EIF4G3: variants seen among roughly 807,000 people sequenced by gnomAD.
EIF4G3 encodes eIF-4-gamma 3.
EIF4G3 carries 34 observed loss-of-function variants against 186.4 expected under a neutral mutation model. That is an observed-to-expected ratio of 0.18 (90% CI 0.14 to 0.24). The LOEUF (loss-of-function observed/expected upper bound fraction) is 0.24, where lower values mean the gene tolerates loss of function less well. EIF4G3 is among the 10% of genes least tolerant of loss of function. The probability of loss-of-function intolerance (pLI) is 1.00; values close to 1 mark genes in which losing one functional copy is unlikely to be tolerated. For synonymous variants in EIF4G3, 673 were observed against 679.5 expected, an observed-to-expected ratio of 0.99 and a Z score of 0.15; for missense variants, 1,536 against 1,948.5, an observed-to-expected ratio of 0.79 and a Z score of 3.99.
intron 13 of EIF4G3, 47 bp downstream of exon 13, chr1:20,949,956 A>C: frequency 6.7e-7 from 1 of 1,493,638 alleles, no homozygotes; most frequent in Non-Finnish European, 9.3e-7. Context: ...TGTAATTAAT[A>C]AAAAAGAGAC....
rs1357798656 is a variant in EIF4G3 at position 20,969,995 on chromosome 1, G to A, written c.592-399C>T. 2.0e-5 allele frequency among the ~76,000 whole-genome samples: 3 copies of A among 151,162 alleles called. No homozygotes were observed. In the East Asian group the frequency reaches 5.8e-4, roughly 29 times the overall value. ...TTTTTTCTTTTTTGGAGACAGTCTCGCTCTATCACCCAGGCTGGAGTGCAG... is the reference window on the plus strand; with the variant it reads ...TTTTTTCTTTTTTGGAGACAGTCTCACTCTATCACCCAGGCTGGAGTGCAG... On this transcript the variant is annotated intron_variant, in intron 11 of 36. Transcript: ENST00000602326.
intron 4 of EIF4G3, among the ~76,000 whole-genome samples, chr1:21,045,770 A>C (rs556523758): frequency 5.3e-5 from 8 of 152,112 alleles, no homozygotes; most frequent in Non-Finnish European, 1.2e-4. Context: ...CTTGAGAAGT[A>C]ATTTTAAATA....
chr1:21,050,841 T>C (rs2094169111), intron 4 of EIF4G3, 25 bp downstream of exon 4: 1 of 689,724 alleles, frequency 1.4e-6, no homozygotes, highest in African/African-American at 1.8e-5. Flanking sequence ...ACATTTCTTA[T>C]TTTTTTAAAA....
At chr1:20,871,316 G>T (rs1023660892) in intron 20 of EIF4G3, among the ~76,000 whole-genome samples, 2 of 152,074 alleles carry the variant, frequency 1.3e-5, no homozygotes, top group Admixed American at 6.5e-5. Flanking sequence ...GACATTTGGG[G>T]TAGGATAATT....
At chr1:20,860,308 A>C in intron 24 of EIF4G3, 77 bp downstream of exon 24, 522 of 1,573,838 alleles carry the variant, frequency 3.3e-4, no homozygotes, top group Middle Eastern at 5.1e-4. Flanking sequence ...ATCTCATTTT[A>C]TACCTAAATA....
intron 7 of EIF4G3, among the ~76,000 whole-genome samples, chr1:20,983,835 G>A (rs553065636): frequency 8.5e-5 from 13 of 152,130 alleles, no homozygotes; most frequent in East Asian, 5.8e-4. Context: ...AGGGTGTTAC[G>A]GGGTGGTAAG....
chr1:20,904,911 G>A lies in EIF4G3; in HGVS notation c.1724C>T (p.Thr575Ile). The A allele has an allele frequency of 6.2e-7, 1 of 1,613,934 alleles. No homozygotes were observed. The highest frequency in any genetic ancestry group is 8.5e-7 in the Non-Finnish European group (1 of 1,179,954). ...CAATTCTGCCTCTAACATCTCTTCAGTGGTTCGGGTCCGATCTTTTGGTTT... is the reference window on the plus strand; with the variant it reads ...CAATTCTGCCTCTAACATCTCTTCAATGGTTCGGGTCCGATCTTTTGGTTT... ...WKKPKDRTRT[T>I]EEMLEAELEL... is the part of the protein sequence containing the mutation. The change falls in exon 15 of 37, where the codon ACT becomes ATT. Residue 575 changes from threonine to isoleucine, a missense_variant. Physicochemically the swap from Thr to Ile is moderately conservative, Grantham distance 89. Coordinates refer to ENST00000602326, the MANE Select transcript of EIF4G3 (RefSeq NM_001391906.1).
Position 20,922,556 on chromosome 1 carries a change from C to CA in EIF4G3, c.1664-17586dup, listed in dbSNP as rs2094559756. On this transcript the variant is annotated intron_variant, in intron 14 of 36. Coordinates refer to ENST00000602326, the MANE Select transcript of EIF4G3 (RefSeq NM_001391906.1). ...AGATAATCCGCCCGCCTGGGCCTCC[C>CA]AAAGTACTGGGATTACAGGCATGAG... Among the ~76,000 whole-genome samples the CA allele has an allele frequency of 5.9e-5, 9 of 152,324 alleles. No homozygotes were observed. The South Asian group carries it at 1.9e-3, about 32-fold the overall frequency.
intron 18 of EIF4G3, chr1:20,892,550 A>T: frequency 8.9e-7 from 1 of 1,128,820 alleles, no homozygotes; most frequent in Non-Finnish European, 1.3e-6. Context: ...ATAGTAAATA[A>T]AAAGAGCGTA....
chr1:20,998,950 A>C (rs2082901655), intron 6 of EIF4G3: 23 of 270,698 alleles, frequency 8.5e-5, no homozygotes, highest in South Asian at 7.2e-4. Context: ...ATTAGATTGA[A>C]GATTAAGAAA....
chr1:20,845,386 G>A (rs923633448), intron 29 of EIF4G3, among the ~76,000 whole-genome samples: 1 of 152,166 alleles, frequency 6.6e-6, no homozygotes, highest in African/African-American at 2.4e-5. Context: ...AAGTAGGCTG[G>A]GCGCGGTGGC....
chr1:21,002,411 T>C (rs1325115638), intron 5 of EIF4G3, among the ~76,000 whole-genome samples: 1 of 152,144 alleles, frequency 6.6e-6, no homozygotes, highest in Non-Finnish European at 1.5e-5. Context: ...TAACAAAAAT[T>C]ATAAGCTGAA....
chr1:20,906,176 C>T (rs1420144928), intron 14 of EIF4G3, among the ~76,000 whole-genome samples: 1 of 152,128 alleles, frequency 6.6e-6, no homozygotes, highest in East Asian at 1.9e-4. Context: ...GACATTCTTC[C>T]TTTGTGTCCT....
At chr1:20,957,697 T>C (rs2096468435) in intron 12 of EIF4G3, among the ~76,000 whole-genome samples, 1 of 151,948 alleles carries the variant, frequency 6.6e-6, no homozygotes, top group Admixed American at 6.6e-5. Context: ...ATAAGCTCAA[T>C]TAGAAATGAA....
intron 4 of EIF4G3, among the ~76,000 whole-genome samples, chr1:21,042,990 A>T (rs899739503): frequency 1.3e-5 from 2 of 152,246 alleles, no homozygotes; most frequent in African/African-American, 2.4e-5. Context: ...AAAATAAATT[A>T]GTGGCACTAA....
intron 4 of EIF4G3, among the ~76,000 whole-genome samples, chr1:21,023,669 C>A (rs1459358853): frequency 1.3e-5 from 2 of 151,902 alleles, no homozygotes; most frequent in East Asian, 1.9e-4. Flanking sequence ...CAGCCTCTGC[C>A]CAGCCGCCAC....
chr1:21,103,686 A>T (rs1278159926), intron 2 of EIF4G3, among the ~76,000 whole-genome samples: 3 of 152,156 alleles, frequency 2.0e-5, no homozygotes, highest in African/African-American at 7.2e-5. Flanking sequence ...TCTACAAAAA[A>T]TACAAAAATT....
intron 14 of EIF4G3, among the ~76,000 whole-genome samples, chr1:20,927,937 G>A (rs147927413): frequency 2.2e-4 from 34 of 151,878 alleles, no homozygotes; most frequent in East Asian, 3.9e-4. Flanking sequence ...GGCTCAGTGC[G>A]GCCTCAATCT....
At position 20,918,546 on chromosome 1, in the gene EIF4G3, T is replaced by C. The variant is rs1487130005; in HGVS notation, c.1664-13575A>G. 2.6e-5 allele frequency among the ~76,000 whole-genome samples: 4 copies of C among 152,052 alleles called. No homozygotes were observed. The East Asian group carries it at 5.8e-4, about 22-fold the overall frequency. ...AAACAGAAAAATGGGGTCATAACTA[T>C]ATGAGTTATTCTTCAACATGCTTTA... On this transcript the variant is annotated intron_variant, in intron 14 of 36. Transcript: ENST00000602326.
Sources: gnomAD v4.1 joint callset for allele counts (sites outside exome capture counted in the v4.1 genomes callset) on GRCh38, gnomAD v4.1.1 for gene constraint, MANE v1.5 for transcripts, NCBI Gene and HGNC (gene_info 2026-07-23, HGNC 2026-07-21) for gene names.